Variants in MEIS1 observed in about 807,000 individuals in gnomAD.
The protein encoded by MEIS1 is homeobox protein Meis1.
A neutral mutation model predicts 50.8 loss-of-function variants in MEIS1; 5 were observed. The observed-to-expected ratio is 0.10, with a 90% CI of 0.05 to 0.21. The LOEUF (loss-of-function observed/expected upper bound fraction) is 0.21, where lower values mean the gene tolerates loss of function less well. MEIS1 is among the 10% of genes least tolerant of loss of function. The pLI is 1.00. For missense variants in MEIS1, 318 were observed against 517.3 expected, an observed-to-expected ratio of 0.61 and a Z score of 3.74; for synonymous variants, 176 against 179.3, an observed-to-expected ratio of 0.98 and a Z score of 0.15.
chr2:66,523,184 T>C (rs1227756345), intron 8 of MEIS1, among the ~76,000 whole-genome samples: 1 of 152,202 alleles, frequency 6.6e-6, no homozygotes, highest in Non-Finnish European at 1.5e-5. Flanking sequence ...TTGCCGTTTA[T>C]GTACTGATGG....
chr2:66,512,420 G>T, intron 8 of MEIS1, 126 bp downstream of exon 8: 1 of 1,135,904 alleles, frequency 8.8e-7, no homozygotes. Flanking sequence ...TGTTCCCACA[G>T]TTTTTGCAAA....
At chr2:66,473,397 A>AAAAAAAAAATATATATATATATATATAT in intron 7 of MEIS1, among the ~76,000 whole-genome samples, 2 of 107,588 alleles carry the variant, frequency 1.9e-5, no homozygotes, top group African/African-American at 1.2e-4. Context: ...AAAAAAAAAA[A>AAAAAAAAAATATATATATATATATATAT]ATATATATAT....
At chr2:66,501,034 T>G (rs542203567) in intron 7 of MEIS1, among the ~76,000 whole-genome samples, 1 of 152,154 alleles carries the variant, frequency 6.6e-6, no homozygotes, top group Non-Finnish European at 1.5e-5. Flanking sequence ...TATGGGGTAC[T>G]TTTTTTCCTA....
chr2:66,516,885 T>C (rs1244730451), intron 8 of MEIS1, among the ~76,000 whole-genome samples: 1 of 152,228 alleles, frequency 6.6e-6, no homozygotes, highest in Non-Finnish European at 1.5e-5. Flanking sequence ...CTCCTTGCCA[T>C]TTTGGAAGAA....
chr2:66,462,900 TAGAATA>T (rs1196692383), intron 6 of MEIS1, among the ~76,000 whole-genome samples: 2 of 152,198 alleles, frequency 1.3e-5, no homozygotes, highest in Admixed American at 6.5e-5. Context: ...GCCAAGATTA[TAGAATA>T]AGTGACAGTG....
intron 7 of MEIS1, among the ~76,000 whole-genome samples, chr2:66,495,244 C>T (rs115029757): frequency 6.6e-6 from 1 of 152,204 alleles, no homozygotes; most frequent in African/African-American, 2.4e-5. Context: ...TGCTGGAGAT[C>T]ATCTTCCTCA....
chr2:66,565,027 A>G (rs1022341377), intron 9 of MEIS1, among the ~76,000 whole-genome samples: 1 of 152,134 alleles, frequency 6.6e-6, no homozygotes, highest in Non-Finnish European at 1.5e-5. Context: ...TGAGTGCTGT[A>G]TTAGTTCAGC....
chr2:66,500,949 GTGTGTTTGTGTGTGTATT>G (rs1203439676), intron 7 of MEIS1, among the ~76,000 whole-genome samples: 1 of 152,076 alleles, frequency 6.6e-6, no homozygotes. Flanking sequence ...TGTTGTCTTT[GTGTGTTTGTGTGTGTATT>G]TGTGTTTGTG....
intron 9 of MEIS1, among the ~76,000 whole-genome samples, chr2:66,552,150 T>A (rs1314837567): frequency 2.0e-5 from 3 of 152,094 alleles, no homozygotes; most frequent in Non-Finnish European, 4.4e-5. Context: ...AAAATTCCCT[T>A]ATACATGATC....
chr2:66,440,169 T>C (rs1671933171), intron 3 of MEIS1, 185 bp downstream of exon 3: 2 of 638,972 alleles, frequency 3.1e-6, no homozygotes, highest in African/African-American at 3.7e-5. Flanking sequence ...ATTTTCTCTC[T>C]GTCTGAGTGT....
chr2:66,528,555 C>A (rs868678071), intron 8 of MEIS1, among the ~76,000 whole-genome samples: 1 of 152,042 alleles, frequency 6.6e-6, no homozygotes, highest in African/African-American at 2.4e-5. Flanking sequence ...CCTCTCCTTC[C>A]CCCTTCACAG....
rs368959159 is a variant in MEIS1, at chr2:66,446,038, G to A, written c.630+2990G>A. Among the ~76,000 whole-genome samples, 59 of 152,228 alleles carry A rather than the reference G, an allele frequency of 3.9e-4. 1 individual carries two copies. The South Asian group carries it at 0.012, about 30-fold the overall frequency. ...GGCTTGGCTGTTCCGGGCTCCCAGA[G>A]GCTAGGGGAAGCGAGGGGCGCCAGG... On this transcript the variant is annotated intron_variant, in intron 6 of 12. Coordinates refer to ENST00000272369, the MANE Select transcript of MEIS1 (RefSeq NM_002398.3).
intron 7 of MEIS1, among the ~76,000 whole-genome samples, chr2:66,475,123 CAT>C (rs570968899): frequency 5.4e-5 from 7 of 128,998 alleles, no homozygotes; most frequent in East Asian, 4.1e-4. Context: ...TTTTAAAATG[CAT>C]ATATATATAC....
chr2:66,512,043 A>G (rs761910953), intron 7 of MEIS1, 106 bp from the exon 8 acceptor site: 169 of 1,243,596 alleles, frequency 1.4e-4, no homozygotes, highest in Admixed American at 2.5e-4. Context: ...GAAACTATTA[A>G]TCATTTAAAT....
chr2:66,477,331 G>A (rs1356119233), intron 7 of MEIS1, among the ~76,000 whole-genome samples: 2 of 152,154 alleles, frequency 1.3e-5, no homozygotes, highest in Non-Finnish European at 2.9e-5. Flanking sequence ...AAAGGCTCTG[G>A]GATGATGCCA....
chr2:66,439,934 G>A lies in MEIS1; in HGVS notation c.331G>A (p.Val111Ile). The A allele has an allele frequency of 6.2e-7, 1 of 1,613,288 alleles. No homozygotes were observed. Among genetic ancestry groups the A allele is most frequent in the Non-Finnish European group, 8.5e-7 (1 of 1,179,622 alleles). Reference protein sequence around the residue: ...PREPGVAGGDVCSSESFNEDI... With the variant: ...PREPGVAGGDICSSESFNEDI... ...CGAGCCGGGGGTGGCGGGCGGGGAC[G>A]TCTGCTCGTCAGAGTCATTCAATGA... Residue 111 changes from valine (V) to isoleucine (I), a missense_variant, in exon 3 of 13, where the codon GTC (valine) becomes ATC (isoleucine). Val to Ile is a conservative substitution (Grantham distance 29, BLOSUM62 3). Transcript: ENST00000272369.
At position 66,571,425 on chromosome 2, in the gene MEIS1, G is replaced by A. The variant is rs1300590407; in HGVS notation, c.*217G>A. 6.2e-7 allele frequency: 1 copy of A among 1,606,204 alleles called. No individual in the cohort carries two copies. The highest frequency in any genetic ancestry group is 1.1e-5 in the South Asian group (1 of 90,172). On this transcript the variant is annotated 3_prime_UTR_variant, in exon 13 of 13. Transcript: ENST00000272369. ...CCACCCAACAGTGATGATGCATGGA[G>A]GACCGCCCCACCCTGGAATGCCAAT...
chr2:66,461,896 A>T (rs892408057), intron 6 of MEIS1: 3 of 470,716 alleles, frequency 6.4e-6, no homozygotes, highest in African/African-American at 6.0e-5. Context: ...AGGTAGGCAC[A>T]GATCACAAAC....
At chr2:66,559,275 A>G (rs543017519) in intron 9 of MEIS1, among the ~76,000 whole-genome samples, 17 of 152,344 alleles carry the variant, frequency 1.1e-4, no homozygotes, top group African/African-American at 3.8e-4. Flanking sequence ...AAAATAAAAC[A>G]TATTTGATCA....
Sources: gnomAD v4.1 joint callset for allele counts (sites outside exome capture counted in the v4.1 genomes callset) on GRCh38, gnomAD v4.1.1 for gene constraint, MANE v1.5 for transcripts, NCBI Gene and HGNC (gene_info 2026-07-23, HGNC 2026-07-21) for gene names.